The following FAT1 variants were observed in gnomAD, a reference collection of about 807,000 sequenced individuals.
The protein encoded by FAT1 is FAT atypical cadherin 1, also known as protocadherin Fat 1.
In FAT1, 171 loss-of-function variants were observed where a neutral mutation model predicts 329.8. The ratio of observed to expected loss-of-function variants is 0.52; its 90% CI spans 0.46 to 0.59. FAT1 has a LOEUF of 0.59. FAT1 is among the 20% of genes least tolerant of loss of function. The pLI is 0.00. For missense variants in FAT1, 5,672 were observed against 5,774.4 expected (o/e 0.98, Z 0.57); for synonymous variants, 2,233 against 2,228.6 (o/e 1.00, Z -0.06).
At chr4:186,611,240 T>G (rs1739428673) in intron 14 of FAT1, 146 bp downstream of exon 14, 2 of 656,124 alleles carry the variant, frequency 3.0e-6, no homozygotes, top group Admixed American at 3.3e-5. Flanking sequence ...TCAATCCCAC[T>G]GTAAATAACT....
intron 2 of FAT1, among the ~76,000 whole-genome samples, chr4:186,705,212 G>A (rs1187849976): frequency 6.6e-6 from 1 of 150,748 alleles, no homozygotes; most frequent in Non-Finnish European, 1.5e-5. Flanking sequence ...CCAAAGTGCT[G>A]CGATTACAGG....
chr4:186,696,848 A>C (rs1175348349), intron 2 of FAT1, among the ~76,000 whole-genome samples: 2 of 152,046 alleles, frequency 1.3e-5, no homozygotes, highest in Non-Finnish European at 2.9e-5. Context: ...ACACAGCAAA[A>C]ACTCGTCTCT....
chr4:186,590,434 A>G, intron 26 of FAT1: 1 of 1,285,848 alleles, frequency 7.8e-7, no homozygotes, highest in Admixed American at 2.3e-5. Flanking sequence ...AAAAAAGAAA[A>G]CATTTGTAAT....
intron 2 of FAT1, among the ~76,000 whole-genome samples, chr4:186,692,458 G>A (rs558802824): frequency 1.8e-4 from 28 of 152,068 alleles, no homozygotes; most frequent in African/African-American, 5.8e-4. Context: ...GACTACAGGC[G>A]CCCGCCACCA....
chr4:186,603,011 G>A lies in FAT1; in HGVS notation c.11374C>T (p.His3792Tyr), dbSNP rs1464988352. The A allele has an allele frequency of 6.2e-7, 1 of 1,613,948 alleles. No individual in the cohort carries two copies. The highest frequency in any genetic ancestry group is 8.5e-7 in the Non-Finnish European group (1 of 1,179,880). Residue 3792 changes from histidine (H) to tyrosine (Y), a missense_variant, in exon 20 of 27, where the codon CAT becomes TAT. His to Tyr is a moderately conservative substitution (Grantham distance 83, BLOSUM62 2). Coordinates refer to ENST00000441802, the MANE Select transcript of FAT1 (RefSeq NM_005245.4). Reference sequence around the variant, plus strand: ...GGGCACGGATCATCTTCACAGCCATGGTGGACAGGTGGGCACCTTCCCTCT... The same window carrying A: ...GGGCACGGATCATCTTCACAGCCATAGTGGACAGGTGGGCACCTTCCCTCT... ...CKEGRCPPVH[H>Y]GCEDDPCPEG...
chr4:186,594,258 G>A (rs1000933284), intron 26 of FAT1, among the ~76,000 whole-genome samples: 11 of 151,524 alleles, frequency 7.3e-5, no homozygotes, highest in East Asian at 2.0e-4. Flanking sequence ...TAGTAGAGAC[G>A]GGGTTTCACT....
Position 186,603,724 on chromosome 4 carries a change from G to A in FAT1, c.10802C>T (p.Ala3601Val), listed in dbSNP as rs2126432322. The change falls in exon 19 of 27, where the codon GCA becomes GTA. Residue 3601 changes from alanine to valine, a missense_variant. This residue lies in a region of FAT1 where 1,706 missense variants were observed against 1,859.1 expected (regional missense o/e 0.92). Transcript: ENST00000441802. ...TTGCCCTATGTCTAGCTTTTTGTGT[G>A]CTATCAGCTTGCCCCCTGTGCTGGA... ...SVSSTGGKLI[A>V]HKKLDIGQYL... is the part of the protein sequence containing the mutation. 1 of 1,613,948 alleles carries A rather than the reference G, an allele frequency of 6.2e-7. No individual in the cohort carries two copies. Among genetic ancestry groups the A allele is most frequent in the Non-Finnish European group, 8.5e-7 (1 of 1,179,884 alleles).
At chr4:186,692,541 T>C (rs1743831593) in intron 2 of FAT1, among the ~76,000 whole-genome samples, 1 of 152,186 alleles carries the variant, frequency 6.6e-6, no homozygotes, top group Non-Finnish European at 1.5e-5. Flanking sequence ...CTCGATCTCC[T>C]GACCTCGTGA....
Position 186,707,716 on chromosome 4 carries a change from G to A in FAT1, c.2112C>T (p.Phe704=), listed in dbSNP as rs752953758. The stretch of plus-strand genomic sequence containing the variant: ...TGTGAGCATTGACAGAGTGAGAATC[G>A]AAGAAAATATCCTCCACCTCTCCCT... ...HNQGEVEDIF[F]DSHSVNAHIP... Residue 704 remains phenylalanine (F), a synonymous_variant, in exon 2 of 27, where the codon TTC becomes TTT. Coordinates refer to ENST00000441802, the MANE Select transcript of FAT1 (RefSeq NM_005245.4). 7.4e-6 allele frequency: 12 copies of A among 1,613,668 alleles called. No homozygotes were observed. The highest frequency in any genetic ancestry group is 1.6e-4 in the Middle Eastern group (1 of 6,084).
chr4:186,644,303 G>C (rs116310238), intron 3 of FAT1, among the ~76,000 whole-genome samples: 5,900 of 152,318 alleles, frequency 0.039, 145 homozygotes, highest in Non-Finnish European at 0.056. Flanking sequence ...GGAGATAAAA[G>C]AGGCAAAAGC....
intron 18 of FAT1, 144 bp from the exon 19 acceptor site, chr4:186,604,121 A>ATTTGTCCTTTTCTTTG: frequency 1.4e-6 from 1 of 727,436 alleles, no homozygotes; most frequent in Non-Finnish European, 2.2e-6. Context: ...TATCAAAGAA[A>ATTTGTCCTTTTCTTTG]AGGACAAATT....
At chr4:186,617,326 A>G (rs918358736) in intron 10 of FAT1, 125 bp from the exon 11 acceptor site, 1 of 732,648 alleles carries the variant, frequency 1.4e-6, no homozygotes, top group Non-Finnish European at 2.1e-6. Context: ...TATTAAAAGA[A>G]TTAATTTGGC....
chr4:186,707,545 C>T lies in FAT1; in HGVS notation c.2283G>A (p.Glu761=), dbSNP rs946090628. 4.3e-6 allele frequency: 7 copies of T among 1,613,856 alleles called. No individual in the cohort carries two copies. The East Asian group carries it at 6.7e-5, about 15-fold the overall frequency. Residue 761 remains glutamate, a synonymous_variant, in exon 2 of 27, where the codon GAG becomes GAA. Transcript: ENST00000441802. Reference sequence around the variant, plus strand: ...CCATATCAATCATGAAGCAACTATCCTCATTTCCTCCAGAAACAGCATAGA... The same window carrying T: ...CCATATCAATCATGAAGCAACTATCTTCATTTCCTCCAGAAACAGCATAGA... ...KLVYAVSGGN[E]DSCFMIDMET... is the part of the protein sequence containing the mutation.
At chr4:186,719,003 C>G (rs1745343042) in intron 1 of FAT1, among the ~76,000 whole-genome samples, 1 of 152,156 alleles carries the variant, frequency 6.6e-6, no homozygotes, top group Non-Finnish European at 1.5e-5. Context: ...TCACAGAGTC[C>G]CCCAAAACAA....
rs778427814 is a variant in FAT1, at chr4:186,613,183, T to C, written c.9389A>G (p.Tyr3130Cys). 1.2e-6 allele frequency: 2 copies of C among 1,613,936 alleles called. No individual in the cohort carries two copies. The highest frequency in any genetic ancestry group is 2.2e-5 in the South Asian group (2 of 91,088). Residue 3130 changes from tyrosine (Y) to cysteine (C), a missense_variant, in exon 13 of 27, where the codon TAT becomes TGT. Tyr to Cys is a radical substitution (Grantham distance 194). This residue lies in a region of FAT1 where 3,966 missense variants were observed against 3,915.2 expected (regional missense o/e 1.01). Transcript: ENST00000441802. The part of the protein sequence containing the change: ...DNAPEFSADP[Y>C]AITVFENTEP... ...TGTGTTTTCAAACACGGTGATGGCATAAGGATCGGCAGAGAATTCGGGGGC... is the reference window on the plus strand; with the variant it reads ...TGTGTTTTCAAACACGGTGATGGCACAAGGATCGGCAGAGAATTCGGGGGC...
chr4:186,646,137 CT>C (rs750294611), intron 3 of FAT1, among the ~76,000 whole-genome samples: 2 of 152,004 alleles, frequency 1.3e-5, no homozygotes, highest in Non-Finnish European at 2.9e-5. Context: ...AGACAGGGTC[CT>C]GGCTCTAAAG....
Position 186,708,208 on chromosome 4 carries a change from T to C in FAT1, c.1620A>G (p.Ala540=). The C allele has an allele frequency of 6.2e-7, 1 of 1,614,020 alleles. No homozygotes were observed. Among genetic ancestry groups the C allele is most frequent in the South Asian group, 1.1e-5 (1 of 91,092 alleles). ...GGCGGTACGGCAAGCCCCAGTCTGA[T>C]GCACGAATCCTCAGAGTATAAACCC... ...MPRVYTLRIR[A]SDWGLPYRRE... Residue 540 remains alanine (A), a synonymous_variant, in exon 2 of 27, where the codon GCA becomes GCG. Transcript: ENST00000441802.
Position 186,681,705 on chromosome 4 carries a change from T to C in FAT1, c.3266-18092A>G, listed in dbSNP as rs117259469. On this transcript the variant is annotated intron_variant, in intron 2 of 26. Coordinates refer to ENST00000441802, the MANE Select transcript of FAT1 (RefSeq NM_005245.4). Reference sequence around the variant, plus strand: ...GTAAAGCATTTTTAACCTGAAACAGTATGCATCAATACCGCTGAAGTGGCA... The same window carrying C: ...GTAAAGCATTTTTAACCTGAAACAGCATGCATCAATACCGCTGAAGTGGCA... Among the ~76,000 whole-genome samples, 16 of 152,320 alleles carry C rather than the reference T, an allele frequency of 1.1e-4. No individual in the cohort carries two copies. In the East Asian group the frequency reaches 3.1e-3, roughly 29 times the overall value.
intron 3 of FAT1, among the ~76,000 whole-genome samples, chr4:186,657,801 G>C (rs1741974600): frequency 1.3e-5 from 2 of 152,172 alleles, no homozygotes; most frequent in African/African-American, 4.8e-5. Flanking sequence ...ATTAATAAAT[G>C]CCAATTGTAA....
Sources: gnomAD v4.1 joint callset for allele counts (sites outside exome capture counted in the v4.1 genomes callset) on GRCh38, gnomAD v4.1.1 for gene constraint, gnomAD v4.1.1 regional missense constraint, MANE v1.5 for transcripts, NCBI Gene and HGNC (gene_info 2026-07-23, HGNC 2026-07-21) for gene names.